EXOC6B: variants seen among roughly 807,000 people sequenced by gnomAD.
The protein encoded by EXOC6B is exocyst complex component 6B.
A neutral mutation model predicts 113.5 loss-of-function variants in EXOC6B; 54 were observed. The ratio of observed to expected loss-of-function variants is 0.48; its 90% confidence interval spans 0.38 to 0.60. The LOEUF (loss-of-function observed/expected upper bound fraction) is 0.60. Among genes scored for constraint, EXOC6B ranks in the 20% least tolerant of loss-of-function variants. EXOC6B has a pLI of 0.00. For synonymous variants in EXOC6B, 357 were observed against 339.0 expected (o/e 1.05, Z -0.58); for missense variants, 797 against 977.5 (o/e 0.82, Z 2.46).
chr2:72,495,924 T>C (rs1203822704), intron 14 of EXOC6B, among the ~76,000 whole-genome samples: 1 of 152,088 alleles, frequency 6.6e-6, no homozygotes, highest in Non-Finnish European at 1.5e-5. Context: ...CAAAAGTAGA[T>C]GCACAGAGCC....
chr2:72,790,010 A>G (rs1434308942), intron 1 of EXOC6B, among the ~76,000 whole-genome samples: 1 of 152,082 alleles, frequency 6.6e-6, no homozygotes, highest in Non-Finnish European at 1.5e-5. Flanking sequence ...TCCTATACCA[A>G]TTTACCTGGA....
At chr2:72,657,639 A>G (rs1444841024) in intron 6 of EXOC6B, among the ~76,000 whole-genome samples, 1 of 125,234 alleles carries the variant, frequency 8.0e-6, no homozygotes, top group Non-Finnish European at 1.6e-5. Flanking sequence ...TGGGTAGGAC[A>G]ACTGAAACTC....
intron 18 of EXOC6B, among the ~76,000 whole-genome samples, chr2:72,388,324 G>C (rs1468991717): frequency 1.3e-5 from 2 of 152,138 alleles, no homozygotes; most frequent in African/African-American, 4.8e-5. Flanking sequence ...TTAGAAAAAT[G>C]TTGTCTAATA....
intron 18 of EXOC6B, among the ~76,000 whole-genome samples, chr2:72,389,384 T>A (rs540459101): frequency 3.3e-5 from 5 of 152,018 alleles, no homozygotes; most frequent in Non-Finnish European, 7.4e-5. Context: ...ATATATGTTA[T>A]CAATATATAC....
chr2:72,353,374 A>G (rs1423988784), intron 19 of EXOC6B, among the ~76,000 whole-genome samples: 1 of 151,700 alleles, frequency 6.6e-6, no homozygotes, highest in Non-Finnish European at 1.5e-5. Context: ...ATTGTATTGT[A>G]TTGTATCGTA....
At chr2:72,762,749 C>T (rs1455600484) in intron 1 of EXOC6B, among the ~76,000 whole-genome samples, 1 of 151,312 alleles carries the variant, frequency 6.6e-6, no homozygotes, top group Admixed American at 6.6e-5. Context: ...TATATAGGAA[C>T]ATATAAAATA....
chr2:72,675,560 A>G (rs1676235215), intron 6 of EXOC6B, among the ~76,000 whole-genome samples: 1 of 152,184 alleles, frequency 6.6e-6, no homozygotes, highest in Non-Finnish European at 1.5e-5. Flanking sequence ...TGGGAGGCCG[A>G]GGCAGGTGAA....
chr2:72,564,546 G>A (rs1434546960), intron 7 of EXOC6B, among the ~76,000 whole-genome samples: 1 of 152,180 alleles, frequency 6.6e-6, no homozygotes, highest in Non-Finnish European at 1.5e-5. Context: ...AGCTGAAGGA[G>A]CACTGACTTT....
chr2:72,599,937 A>T (rs1241759737), intron 6 of EXOC6B, among the ~76,000 whole-genome samples: 1 of 152,228 alleles, frequency 6.6e-6, no homozygotes, highest in Non-Finnish European at 1.5e-5. Flanking sequence ...TTCATTAATA[A>T]GAAAACTCAA....
chr2:72,741,434 A>G lies in EXOC6B; in HGVS notation c.149T>C (p.Met50Thr). ...ACGGATACGAGTTTCAAGCTTCTCC[A>G]TGAAACGTCCATGTTCTTCACCATC... Reference protein sequence around the residue: ...VYDGEEHGRFMEKLETRIRNH... With the variant: ...VYDGEEHGRFTEKLETRIRNH... The change falls in exon 2 of 22, where the codon ATG becomes ACG. Residue 50 changes from methionine (M) to threonine (T), a missense_variant. Met to Thr is a moderately conservative substitution (Grantham distance 81). Transcript: ENST00000272427. The G allele has an allele frequency of 6.2e-7, 1 of 1,613,676 alleles. No homozygotes were observed. The highest frequency in any genetic ancestry group is 8.5e-7 in the Non-Finnish European group (1 of 1,179,772).
chr2:72,551,031 C>T (rs1703192206), intron 8 of EXOC6B, among the ~76,000 whole-genome samples: 1 of 150,346 alleles, frequency 6.7e-6, no homozygotes, highest in South Asian at 2.1e-4. Flanking sequence ...ATGCAAGTGA[C>T]TGAGTTAGGC....
At chr2:72,523,563 G>T (rs1701597608) in intron 8 of EXOC6B, among the ~76,000 whole-genome samples, 2 of 152,116 alleles carry the variant, frequency 1.3e-5, no homozygotes, top group Admixed American at 6.5e-5. Flanking sequence ...CAGATCACGA[G>T]GTCAGGAGAT....
intron 20 of EXOC6B, among the ~76,000 whole-genome samples, chr2:72,306,247 C>A (rs1462474349): frequency 6.6e-6 from 1 of 152,066 alleles, no homozygotes; most frequent in Admixed American, 6.6e-5. Context: ...ATAAAATATT[C>A]TCATTTCACA....
intron 15 of EXOC6B, among the ~76,000 whole-genome samples, chr2:72,494,257 T>C (rs1699913264): frequency 6.6e-6 from 1 of 152,130 alleles, no homozygotes; most frequent in Admixed American, 6.6e-5. Flanking sequence ...CTTGTAATGA[T>C]TTATCTACAA....
intron 1 of EXOC6B, among the ~76,000 whole-genome samples, chr2:72,784,023 G>A (rs1253555533): frequency 6.6e-6 from 1 of 151,986 alleles, no homozygotes; most frequent in Non-Finnish European, 1.5e-5. Flanking sequence ...GTTCATTTTT[G>A]TAAACGGTGA....
intron 1 of EXOC6B, among the ~76,000 whole-genome samples, chr2:72,759,195 G>C (rs1265558371): frequency 6.6e-6 from 1 of 152,206 alleles, no homozygotes; most frequent in Admixed American, 6.5e-5. Context: ...AATTCATACA[G>C]TTGCTGTGTG....
intron 16 of EXOC6B, among the ~76,000 whole-genome samples, chr2:72,483,270 G>A (rs1368219548): frequency 2.0e-5 from 3 of 152,186 alleles, no homozygotes; most frequent in Non-Finnish European, 4.4e-5. Context: ...TTGTCTTGAT[G>A]TGGAAGTCAG....
intron 18 of EXOC6B, among the ~76,000 whole-genome samples, chr2:72,448,803 C>T (rs1424117862): frequency 6.6e-6 from 1 of 152,154 alleles, no homozygotes; most frequent in Non-Finnish European, 1.5e-5. Flanking sequence ...AACAACTAGA[C>T]AGGAAACTAA....
chr2:72,569,057 A>G (rs1704366282), intron 7 of EXOC6B, among the ~76,000 whole-genome samples: 1 of 152,098 alleles, frequency 6.6e-6, no homozygotes, highest in African/African-American at 2.4e-5. Context: ...GAATAAGAAA[A>G]CCAAAACAGA....
Sources: gnomAD v4.1 joint callset for allele counts (sites outside exome capture counted in the v4.1 genomes callset) on GRCh38, gnomAD v4.1.1 for gene constraint, MANE v1.5 for transcripts, NCBI Gene and HGNC (gene_info 2026-07-23, HGNC 2026-07-21) for gene names.